The following ZNF652 variants were observed in gnomAD, a reference collection of about 807,000 sequenced individuals.
ZNF652 encodes the protein zinc finger protein 652.
ZNF652 carries 16 observed loss-of-function variants against 45.2 expected under a neutral mutation model. That is an observed-to-expected ratio of 0.35 (90% confidence interval 0.24 to 0.54). The LOEUF (loss-of-function observed/expected upper bound fraction) is 0.54, where lower values mean the gene tolerates loss of function less well. ZNF652 is among the 20% of genes least tolerant of loss of function. The pLI is 0.91. For synonymous variants in ZNF652, 250 were observed against 260.6 expected, an observed-to-expected ratio of 0.96 and a Z score of 0.39; for missense variants, 614 against 765.6, an observed-to-expected ratio of 0.80 and a Z score of 2.34.
intron 1 of ZNF652, among the ~76,000 whole-genome samples, chr17:49,351,249 C>G (rs930094958): frequency 1.3e-5 from 2 of 151,560 alleles, no homozygotes; most frequent in Non-Finnish European, 2.9e-5. Flanking sequence ...TGACTTCTGA[C>G]ATTAACTGGC....
At chr17:49,334,308 T>C (rs188927345) in intron 1 of ZNF652, among the ~76,000 whole-genome samples, 26 of 152,150 alleles carry the variant, frequency 1.7e-4, no homozygotes, top group Admixed American at 3.9e-4. Flanking sequence ...TAGCAAGACC[T>C]CGTCTCTACA....
At chr17:49,324,734 CTTTTTTT>C (rs1185007907) in intron 1 of ZNF652, among the ~76,000 whole-genome samples, 4 of 96,242 alleles carry the variant, frequency 4.2e-5, no homozygotes, top group East Asian at 5.7e-4. Context: ...TGGGGTAGCA[CTTTTTTT>C]TTTTTTTTTT....
intron 5 of ZNF652, among the ~76,000 whole-genome samples, chr17:49,303,621 C>A (rs191285204): frequency 1.1e-3 from 170 of 152,238 alleles, no homozygotes; most frequent in African/African-American, 3.7e-3. Flanking sequence ...AACCTCTAAG[C>A]TCCCCTGCTC....
chr17:49,304,055 A>ATTTTTTTTTTTTTTTTT (rs58790188), intron 5 of ZNF652, among the ~76,000 whole-genome samples: 2 of 117,418 alleles, frequency 1.7e-5, no homozygotes, highest in Admixed American at 9.6e-5. Flanking sequence ...TGCCTGGCTA[A>ATTTTTTTTTTTTTTTTT]TTTTTTTTTT....
chr17:49,329,923 C>CT (rs2070005475), intron 1 of ZNF652, among the ~76,000 whole-genome samples: 1 of 152,298 alleles, frequency 6.6e-6, no homozygotes, highest in Admixed American at 6.5e-5. Flanking sequence ...GCAATCTTAA[C>CT]TTTCACCAAT....
chr17:49,313,024 T>A (rs193076862), intron 2 of ZNF652, among the ~76,000 whole-genome samples, 179 bp from the exon 3 acceptor site: 1 of 152,316 alleles, frequency 6.6e-6, no homozygotes, highest in East Asian at 1.9e-4. Context: ...TTTTCTAAGA[T>A]GCATCTTTTA....
chr17:49,361,696 G>A (rs981827605), intron 1 of ZNF652, among the ~76,000 whole-genome samples: 3 of 152,128 alleles, frequency 2.0e-5, no homozygotes, highest in Admixed American at 6.5e-5. Context: ...GGAGCGGGGC[G>A]CCCCCAGCCC....
chr17:49,292,063 A>C lies in ZNF652; in HGVS notation c.*6350T>G, dbSNP rs920062699. On this transcript the variant is annotated 3_prime_UTR_variant, in exon 6 of 6. Coordinates refer to ENST00000430262, the MANE Select transcript of ZNF652 (RefSeq NM_001145365.3). ...TAGATACCCACCTTGTGTGGTTATT[A>C]GTCTTAAAAACCTGAGTACTATTAA... 3.3e-5 allele frequency among the ~76,000 whole-genome samples: 5 copies of C among 152,306 alleles called. No individual in the cohort carries two copies. The East Asian group carries it at 7.7e-4, about 23-fold the overall frequency.
intron 1 of ZNF652, among the ~76,000 whole-genome samples, chr17:49,338,208 A>G (rs1185357781): frequency 6.6e-6 from 1 of 151,522 alleles, no homozygotes; most frequent in Non-Finnish European, 1.5e-5. Flanking sequence ...GTTGGTCTTA[A>G]ACTCCTTGCC....
intron 5 of ZNF652, among the ~76,000 whole-genome samples, chr17:49,301,301 G>A (rs1050460375): frequency 2.6e-5 from 4 of 151,940 alleles, no homozygotes; most frequent in African/African-American, 7.3e-5. Context: ...TTGTCTTTAC[G>A]CTTTTTTTTT....
chr17:49,312,598 T>G, intron 3 of ZNF652, 100 bp downstream of exon 3: 2 of 1,345,426 alleles, frequency 1.5e-6, no homozygotes, highest in Non-Finnish European at 2.0e-6. Context: ...ATGTCAAAAC[T>G]GATTAGGGCA....
intron 1 of ZNF652, among the ~76,000 whole-genome samples, chr17:49,331,048 A>G (rs1435727117): frequency 6.6e-6 from 1 of 150,580 alleles, no homozygotes; most frequent in Non-Finnish European, 1.5e-5. Flanking sequence ...CAGCCTGGGC[A>G]GTAAGAGCAA....
chr17:49,313,053 G>A (rs1265435521), intron 2 of ZNF652, among the ~76,000 whole-genome samples: 1 of 152,198 alleles, frequency 6.6e-6, no homozygotes, highest in Non-Finnish European at 1.5e-5. Context: ...TTGGGAGTAT[G>A]AAAACAATGG....
At chr17:49,323,930 G>A (rs1323782086) in intron 1 of ZNF652, among the ~76,000 whole-genome samples, 4 of 152,138 alleles carry the variant, frequency 2.6e-5, no homozygotes, top group Non-Finnish European at 5.9e-5. Context: ...AAGGGCCTCT[G>A]GATTTTTGGA....
chr17:49,333,200 G>C (rs1356356019), intron 1 of ZNF652, among the ~76,000 whole-genome samples: 1 of 151,114 alleles, frequency 6.6e-6, no homozygotes, highest in African/African-American at 2.4e-5. Flanking sequence ...TGGGACTACA[G>C]GTGCCTGTCA....
Position 49,302,317 on chromosome 17 carries a change from C to A in ZNF652, c.1310-3393G>T, listed in dbSNP as rs1253304450. ...ATTTTTTTTTTTTTTGAGGTGGAGA[C>A]TCACCCTGTCACCCAGGCTGGAGTG... is the stretch of plus-strand genomic sequence containing the variant. On this transcript the variant is annotated intron_variant, in intron 5 of 5. Coordinates refer to ENST00000430262, the MANE Select transcript of ZNF652 (RefSeq NM_001145365.3). Among the ~76,000 whole-genome samples the A allele has an allele frequency of 2.1e-5, 3 of 146,250 alleles. No individual in the cohort carries two copies. The Admixed American group carries it at 2.1e-4, about 10-fold the overall frequency.
At chr17:49,351,006 TATATATATACACACACAC>T (rs2070271139) in intron 1 of ZNF652, among the ~76,000 whole-genome samples, 2 of 21,272 alleles carry the variant, frequency 9.4e-5, no homozygotes, top group South Asian at 8.8e-4. Context: ...TATATATATA[TATATATATACACACACAC>T]ACACACACAC....
At chr17:49,304,640 T>C (rs1472841438) in intron 5 of ZNF652, among the ~76,000 whole-genome samples, 3 of 152,186 alleles carry the variant, frequency 2.0e-5, no homozygotes, top group African/African-American at 7.2e-5. Flanking sequence ...TATATTAATA[T>C]ATCTAACTAT....
chr17:49,312,785 C>T lies in ZNF652; in HGVS notation c.961G>A (p.Val321Ile), dbSNP rs201894922. 1.7e-5 allele frequency: 27 copies of T among 1,613,872 alleles called. No homozygotes were observed. The highest frequency in any genetic ancestry group is 2.1e-5 in the Non-Finnish European group (25 of 1,179,930). Residue 321 changes from valine to isoleucine, a missense_variant, in exon 3 of 6, where the codon GTC becomes ATC. By Grantham distance (29) the Val-to-Ile change is conservative. Transcript: ENST00000430262. ...LWSLHEHIKI[V>I]HGYAEKKFSC... The stretch of plus-strand genomic sequence containing the variant: ...AATTTCTTTTCTGCATATCCATGGA[C>T]GATCTTGATATGTTCATGAAGGGAC...
Sources: gnomAD v4.1 joint callset for allele counts (sites outside exome capture counted in the v4.1 genomes callset) on GRCh38, gnomAD v4.1.1 for gene constraint, MANE v1.5 for transcripts, NCBI Gene and HGNC (gene_info 2026-07-23, HGNC 2026-07-21) for gene names.